CALN1: variants seen among roughly 807,000 people sequenced by gnomAD.
The protein encoded by CALN1 is calcium-binding protein 8.
In CALN1, 17 loss-of-function variants were observed where a neutral mutation model predicts 30.6. The ratio of observed to expected loss-of-function variants is 0.56; its 90% CI spans 0.38 to 0.83. The LOEUF is 0.83. CALN1 is among the 40% of genes least tolerant of loss of function. The pLI is 0.00. For synonymous variants in CALN1, 156 were observed against 131.4 expected (o/e 1.19, Z -1.28); for missense variants, 291 against 354.9 (o/e 0.82, Z 1.45).
chr7:72,422,070 A>C (rs1463262076), intron 1 of CALN1, among the ~76,000 whole-genome samples: 3 of 152,172 alleles, frequency 2.0e-5, no homozygotes, highest in African/African-American at 7.2e-5. Flanking sequence ...GCAATTGTGA[A>C]TTGTGCTGCT....
chr7:72,192,998 G>A (rs564785881), intron 3 of CALN1, among the ~76,000 whole-genome samples: 7 of 152,062 alleles, frequency 4.6e-5, no homozygotes, highest in Admixed American at 3.3e-4. Flanking sequence ...GACCAGTCTG[G>A]CCAACATGGC....
At chr7:72,501,908 CAAAAA>C in the CALN1 span, among the ~76,000 whole-genome samples, 32 of 24,726 alleles carry the variant, frequency 1.3e-3, no homozygotes, top group Non-Finnish European at 1.4e-3. Context: ...GATTTCGTCT[CAAAAA>C]AAAAAAAAAA....
At chr7:72,163,861 G>T (rs577036537) in intron 3 of CALN1, among the ~76,000 whole-genome samples, 5 of 152,108 alleles carry the variant, frequency 3.3e-5, no homozygotes, top group African/African-American at 1.2e-4. Context: ...AGAAATATTT[G>T]AATATATAAC....
intron 3 of CALN1, among the ~76,000 whole-genome samples, chr7:72,231,932 G>A (rs1297818586): frequency 6.6e-6 from 1 of 152,190 alleles, no homozygotes; most frequent in Non-Finnish European, 1.5e-5. Context: ...CAGGAGAGAG[G>A]CAGCAAGTGT....
In CALN1 at chr7:72,408,675, C is replaced by CTTT. The variant is rs534883618; in HGVS notation, c.-74+3380_-74+3382dup. On this transcript the variant is annotated intron_variant, in intron 1 of 6. Coordinates refer to ENST00000395275, the MANE Select transcript of CALN1 (RefSeq NM_031468.4). ...AATGACCACCAATTATTATCTTTTC[C>CTTT]TTTTTTTTTTTTTTTTTTTGAGACA... Among the ~76,000 whole-genome samples the CTTT allele has an allele frequency of 1.5e-3, 120 of 77,968 alleles. 9 individuals carry two copies. Among genetic ancestry groups the CTTT allele is most frequent in the South Asian group, 4.5e-3 (8 of 1,786 alleles). The allele number at this position is 77,968 out of a possible 152,430, so 51.2% of individuals were successfully genotyped here. A position where few individuals can be genotyped will look rare whatever the true frequency, so the allele number is the denominator to read the frequency against.
At chr7:71,796,236 T>C (rs1027066547) in intron 6 of CALN1, among the ~76,000 whole-genome samples, 1 of 152,166 alleles carries the variant, frequency 6.6e-6, no homozygotes, top group Admixed American at 6.6e-5. Flanking sequence ...TTGGGTACTA[T>C]ATGAGTCATG....
intron 5 of CALN1, among the ~76,000 whole-genome samples, chr7:71,890,693 A>T (rs1400161420): frequency 1.3e-5 from 2 of 150,616 alleles, no homozygotes; most frequent in Non-Finnish European, 2.9e-5. Flanking sequence ...CTATACCTAC[A>T]TGCACCTATG....
chr7:72,255,007 G>A (rs952002953), intron 3 of CALN1, among the ~76,000 whole-genome samples: 2 of 152,116 alleles, frequency 1.3e-5, no homozygotes, highest in Non-Finnish European at 2.9e-5. Flanking sequence ...TGGTCAGGCT[G>A]GTCTTTAACT....
chr7:72,363,210 G>A (rs1347278373), intron 2 of CALN1, among the ~76,000 whole-genome samples: 2 of 151,854 alleles, frequency 1.3e-5, no homozygotes, highest in Admixed American at 6.6e-5. Context: ...AGTGTGTGTT[G>A]TTCCCTTCTG....
chr7:71,940,123 A>G (rs1489905211), intron 5 of CALN1, among the ~76,000 whole-genome samples: 1 of 152,168 alleles, frequency 6.6e-6, no homozygotes, highest in Non-Finnish European at 1.5e-5. Flanking sequence ...GAAGTTTACC[A>G]GGGTTCCTCC....
chr7:72,403,224 C>T (rs145695517), intron 2 of CALN1, 27 bp downstream of exon 2: 1 of 1,532,292 alleles, frequency 6.5e-7, no homozygotes. Flanking sequence ...CAATCTAGGT[C>T]CTTGGGTTTG....
At chr7:72,373,484 A>C (rs1562930091) in intron 2 of CALN1, among the ~76,000 whole-genome samples, 1 of 152,214 alleles carries the variant, frequency 6.6e-6, no homozygotes. Context: ...TACCCATACA[A>C]CCATTCTGTT....
chr7:71,875,252 A>C (rs1172675490), intron 5 of CALN1, among the ~76,000 whole-genome samples: 2 of 151,922 alleles, frequency 1.3e-5, no homozygotes, highest in South Asian at 2.1e-4. Flanking sequence ...GGGCAAATGC[A>C]AGGAGCCATG....
At position 71,811,663 on chromosome 7, in the gene CALN1, C is replaced by T. The variant is rs117504659; in HGVS notation, c.502-1171G>A. Among the ~76,000 whole-genome samples the T allele has an allele frequency of 3.2e-3, 438 of 138,984 alleles. 8 individuals carry two copies. In the East Asian group the frequency reaches 0.071, roughly 23 times the overall value. The allele number at this position is 138,984 out of a possible 152,430, so 91.2% of individuals were successfully genotyped here. A position where few individuals can be genotyped will look rare whatever the true frequency, so the allele number is the denominator to read the frequency against. On this transcript the variant is annotated intron_variant, in intron 5 of 6. Coordinates refer to ENST00000395275, the MANE Select transcript of CALN1 (RefSeq NM_031468.4). ...CCATTTATATTAGGTTTGATAGTGT[C>T]GCTTTCTTTTTTCTTTTTTTTTTTT...
chr7:71,816,070 A>G (rs1228108620), intron 5 of CALN1, among the ~76,000 whole-genome samples: 1 of 149,446 alleles, frequency 6.7e-6, no homozygotes, highest in African/African-American at 2.5e-5. Context: ...GAGTCTTGCT[A>G]TGTTGCCCAA....
At chr7:72,286,887 CTA>C (rs1420372669) in intron 2 of CALN1, among the ~76,000 whole-genome samples, 2 of 152,100 alleles carry the variant, frequency 1.3e-5, no homozygotes, top group Admixed American at 1.3e-4. Flanking sequence ...AACAAGGTGT[CTA>C]TGACACAGGA....
intron 3 of CALN1, 37 bp from the exon 4 acceptor site, chr7:72,106,331 T>C (rs1339032015): frequency 1.2e-6 from 2 of 1,612,082 alleles, no homozygotes; most frequent in East Asian, 2.2e-5. Flanking sequence ...AGTGGTCACA[T>C]GGCTGGCTTT....
intron 5 of CALN1, among the ~76,000 whole-genome samples, chr7:71,863,888 G>A (rs1256701869): frequency 6.6e-6 from 1 of 152,108 alleles, no homozygotes; most frequent in Non-Finnish European, 1.5e-5. Context: ...CGCATGCATA[G>A]CTAACTGTGA....
intron 1 of CALN1, among the ~76,000 whole-genome samples, chr7:72,423,108 C>CA (rs1226895626): frequency 0.033 from 3,212 of 96,366 alleles, 100 homozygotes; most frequent in African/African-American, 0.11. Flanking sequence ...GACTCCATCT[C>CA]AAAAAAAAAA....
Sources: gnomAD v4.1 joint callset for allele counts (sites outside exome capture counted in the v4.1 genomes callset) on GRCh38, gnomAD v4.1.1 for gene constraint, MANE v1.5 for transcripts, NCBI Gene and HGNC (gene_info 2026-07-23, HGNC 2026-07-21) for gene names.